The following CSGALNACT2 variants were observed in gnomAD, a reference collection of about 807,000 sequenced individuals.
CSGALNACT2 encodes the protein chondroitin sulfate N-acetylgalactosaminyltransferase 2.
A neutral mutation model predicts 55.3 loss-of-function variants in CSGALNACT2; 35 were observed. The observed-to-expected ratio is 0.63, with a 90% CI of 0.48 to 0.84. The LOEUF (loss-of-function observed/expected upper bound fraction) is 0.84, where lower values mean the gene tolerates loss of function less well. Ranked by LOEUF, CSGALNACT2 falls within the 40% of genes least tolerant of loss-of-function variation. The pLI is 0.00. For synonymous variants in CSGALNACT2, 196 were observed against 224.9 expected (o/e 0.87, Z 1.15); for missense variants, 544 against 657.5 (o/e 0.83, Z 1.89).
chr10:43,143,915 G>A (rs1838687017), intron 1 of CSGALNACT2, among the ~76,000 whole-genome samples: 5 of 152,158 alleles, frequency 3.3e-5, no homozygotes, highest in Admixed American at 3.3e-4. Flanking sequence ...TCAATAACAT[G>A]TTGACAACCC....
intron 1 of CSGALNACT2, among the ~76,000 whole-genome samples, chr10:43,150,562 C>G (rs193266279): frequency 8.6e-4 from 131 of 152,236 alleles, no homozygotes; most frequent in Non-Finnish European, 1.7e-3. Context: ...TAATTACTTT[C>G]AGTTTTCAAA....
Position 43,183,358 on chromosome 10 carries a change from T to A in CSGALNACT2, c.1445T>A (p.Phe482Tyr). 6.2e-7 allele frequency: 1 copy of A among 1,614,166 alleles called. No homozygotes were observed. The highest frequency in any genetic ancestry group is 8.5e-7 in the Non-Finnish European group (1 of 1,180,032). Reference protein sequence around the residue: ...IVIRTPVPGLFHLWHEKRCAD... With the variant: ...IVIRTPVPGLYHLWHEKRCAD... ...ATTCGGACTCCGGTTCCTGGTCTTT[T>A]CCACCTCTGGCATGAAAAGCGCTGT... Residue 482 changes from phenylalanine (F) to tyrosine (Y), a missense_variant, in exon 8 of 8, where the codon TTC becomes TAC. Physicochemically the swap from Phe to Tyr is conservative, Grantham distance 22. Transcript: ENST00000374466.
At chr10:43,163,780 A>C in intron 4 of CSGALNACT2, 86 bp from the exon 5 acceptor site, 4 of 1,437,074 alleles carry the variant, frequency 2.8e-6, no homozygotes, top group Non-Finnish European at 3.7e-6. Context: ...TTGAAGTGTA[A>C]AACATATTTT....
At chr10:43,141,278 C>T (rs1462038848) in intron 1 of CSGALNACT2, among the ~76,000 whole-genome samples, 4 of 151,740 alleles carry the variant, frequency 2.6e-5, no homozygotes, top group South Asian at 2.1e-4. Context: ...AGTGCAGTGG[C>T]GCCATCTCGG....
At chr10:43,160,362 G>T (rs1214260532) in intron 3 of CSGALNACT2, 132 bp from the exon 4 acceptor site, 1 of 595,518 alleles carries the variant, frequency 1.7e-6, no homozygotes, top group Non-Finnish European at 2.9e-6. Context: ...TAATTCATCA[G>T]TATTGCCACA....
chr10:43,147,782 CTTTT>C (rs372639057), intron 1 of CSGALNACT2, among the ~76,000 whole-genome samples: 3 of 108,098 alleles, frequency 2.8e-5, no homozygotes, highest in Non-Finnish European at 3.7e-5. Flanking sequence ...GTCGAGTTAT[CTTTT>C]TTTTTTTTTT....
At chr10:43,181,577 A>C (rs1839589366) in intron 7 of CSGALNACT2, among the ~76,000 whole-genome samples, 1 of 152,018 alleles carries the variant, frequency 6.6e-6, no homozygotes, top group South Asian at 2.1e-4. Context: ...AGATCCCCAG[A>C]TTATTGTCCA....
intron 6 of CSGALNACT2, among the ~76,000 whole-genome samples, chr10:43,172,688 C>G (rs923848289): frequency 3.3e-5 from 5 of 152,228 alleles, no homozygotes; most frequent in Non-Finnish European, 7.3e-5. Flanking sequence ...CACTTAGACC[C>G]TAACAGATAT....
At chr10:43,167,879 A>T (rs2505559) in intron 6 of CSGALNACT2, among the ~76,000 whole-genome samples, 28,862 of 152,038 alleles carry the variant, frequency 0.19, 3,403 homozygotes, top group Non-Finnish European at 0.25. Context: ...TAAGATGTTT[A>T]AAAAAATGAA....
rs147985136 is a variant in CSGALNACT2 at position 43,158,399 on chromosome 10, ATTTC to A, written c.662-312_662-309del. Among the ~76,000 whole-genome samples the A allele has an allele frequency of 9.1e-3, 1,381 of 152,248 alleles. 20 individuals carry two copies. The highest frequency in any genetic ancestry group is 0.032 in the African/African-American group (1,330 of 41,536). On this transcript the variant is annotated intron_variant, in intron 2 of 7. Coordinates refer to ENST00000374466, the MANE Select transcript of CSGALNACT2 (RefSeq NM_018590.5). ...CTAGATTTTAATATTGCTAGAAGTA[ATTTC>A]TTTATTTATCATGATTACCATATTG...
intron 1 of CSGALNACT2, among the ~76,000 whole-genome samples, chr10:43,147,916 T>A (rs1447632253): frequency 6.6e-6 from 1 of 151,960 alleles, no homozygotes; most frequent in Non-Finnish European, 1.5e-5. Flanking sequence ...TTTGATGAGG[T>A]CCAGTTAATA....
At chr10:43,158,026 TAAAAAAAAAA>T (rs770700775) in intron 2 of CSGALNACT2, among the ~76,000 whole-genome samples, 1 of 99,438 alleles carries the variant, frequency 1.0e-5, no homozygotes, top group Non-Finnish European at 2.0e-5. Flanking sequence ...AGACTCCGTC[TAAAAAAAAAA>T]AAAAAAAAAA....
intron 7 of CSGALNACT2, among the ~76,000 whole-genome samples, chr10:43,182,882 A>C (rs1241106955): frequency 2.4e-5 from 1 of 41,368 alleles, no homozygotes; most frequent in African/African-American, 1.9e-4. Context: ...CTCAAAAAAA[A>C]AAACAAAAAA....
rs1171538526 is a variant in CSGALNACT2 at position 43,184,489 on chromosome 10, T to A, written c.*947T>A. On this transcript the variant is annotated 3_prime_UTR_variant, in exon 8 of 8. Coordinates refer to ENST00000374466, the MANE Select transcript of CSGALNACT2 (RefSeq NM_018590.5). ...TACTATCCTTTTTCTAATATATTAA[T>A]ATATGCTACATTTGTATTTGCATTA... 6.6e-6 allele frequency: 1 copy of A among 152,216 alleles called. No homozygotes were observed. Among genetic ancestry groups the A allele is most frequent in the Non-Finnish European group, 1.5e-5 (1 of 68,036 alleles). The allele number at this position is 152,216 out of a possible 1,614,324, so 9.4% of individuals were successfully genotyped here.
chr10:43,147,455 A>T (rs1295216387), intron 1 of CSGALNACT2, among the ~76,000 whole-genome samples: 1 of 152,184 alleles, frequency 6.6e-6, no homozygotes, highest in African/African-American at 2.4e-5. Context: ...TCATTCTCTT[A>T]ACAATGTCTT....
At position 43,164,000 on chromosome 10, in the gene CSGALNACT2, T is replaced by C; in HGVS notation, c.1115T>C (p.Phe372Ser). The change falls in exon 5 of 8, where the codon TTC (phenylalanine) becomes TCC (serine). Residue 372 changes from phenylalanine (F) to serine (S), a missense_variant. Physicochemically the swap from Phe to Ser is radical, Grantham distance 155. This residue lies in a region of CSGALNACT2 where 170 missense variants were observed against 256.2 expected (regional missense o/e 0.66). Coordinates refer to ENST00000374466, the MANE Select transcript of CSGALNACT2 (RefSeq NM_018590.5). ...LMFFCDVDIY[F>S]SAEFLNSCRL... ...TTTTTCTGTGATGTTGATATCTATT[T>C]CTCAGCCGAATTCCTTAACAGCTGC... 1 of 1,614,064 alleles carries C rather than the reference T, an allele frequency of 6.2e-7. No homozygotes were observed. Among genetic ancestry groups the C allele is most frequent in the South Asian group, 1.1e-5 (1 of 91,056 alleles).
At chr10:43,151,716 A>C (rs1460937549) in intron 1 of CSGALNACT2, among the ~76,000 whole-genome samples, 1 of 152,142 alleles carries the variant, frequency 6.6e-6, no homozygotes, top group African/African-American at 2.4e-5. Flanking sequence ...TGGTCTCTTC[A>C]GACTATGAGC....
At position 43,158,736 on chromosome 10, in the gene CSGALNACT2, A is replaced by T; in HGVS notation, c.683A>T (p.Asp228Val). 6.2e-7 allele frequency: 1 copy of T among 1,605,682 alleles called. No homozygotes were observed. The highest frequency in any genetic ancestry group is 1.1e-5 in the South Asian group (1 of 90,860). ...FVEGYYRTER[D>V]KGTQYELFFK... The stretch of plus-strand genomic sequence containing the variant: ...TTAGGTTATTATCGCACTGAGAGAG[A>T]TAAGGGCACACAGTATGAACTCTTT... The change falls in exon 3 of 8, where the codon GAT becomes GTT. Residue 228 changes from aspartate (D) to valine (V), a missense_variant. Around this residue, in one of 2 missense-constraint regions of CSGALNACT2, gnomAD observed 374 missense variants for 401.3 expected, o/e 0.93. Coordinates refer to ENST00000374466, the MANE Select transcript of CSGALNACT2 (RefSeq NM_018590.5).
chr10:43,163,373 A>G (rs375560493), intron 4 of CSGALNACT2: 2 of 625,366 alleles, frequency 3.2e-6, no homozygotes, highest in East Asian at 1.4e-4. Context: ...ATGTCTAGCA[A>G]TATGAAGGAA....
Sources: gnomAD v4.1 joint callset for allele counts (sites outside exome capture counted in the v4.1 genomes callset) on GRCh38, gnomAD v4.1.1 for gene constraint, gnomAD v4.1.1 regional missense constraint, MANE v1.5 for transcripts, NCBI Gene and HGNC (gene_info 2026-07-23, HGNC 2026-07-21) for gene names.